Variants in PTPRE observed in about 807,000 individuals in gnomAD.
PTPRE encodes protein tyrosine phosphatase receptor type E.
A neutral mutation model predicts 102.0 loss-of-function variants in PTPRE; 51 were observed. That is an observed-to-expected ratio of 0.50 (90% CI 0.40 to 0.63). The LOEUF is 0.63. PTPRE is among the 30% of genes least tolerant of loss of function. The pLI is 0.00. For synonymous variants in PTPRE, 345 were observed against 348.2 expected, an observed-to-expected ratio of 0.99 and a Z score of 0.10; for missense variants, 752 against 915.1, an observed-to-expected ratio of 0.82 and a Z score of 2.30.
chr10:128,008,145 A>G lies in PTPRE; in HGVS notation c.-8+25849A>G, dbSNP rs924604020. On this transcript the variant is annotated intron_variant, in intron 2 of 20. Transcript: ENST00000254667. The surrounding 1 kb of genome is among the most constrained non-coding windows in gnomAD (Gnocchi z 4.0). ...CTGCAGAGTCCCCTGCCCAGGGTACATGCCCCTGGGAAAACTGCCCAAGGG... is the reference window on the plus strand; with the variant it reads ...CTGCAGAGTCCCCTGCCCAGGGTACGTGCCCCTGGGAAAACTGCCCAAGGG... 6.6e-5 allele frequency among the ~76,000 whole-genome samples: 10 copies of G among 152,160 alleles called. No individual in the cohort carries two copies. In the South Asian group the frequency reaches 1.4e-3, roughly 22 times the overall value.
At chr10:128,026,076 G>T (rs995097961) in intron 2 of PTPRE, among the ~76,000 whole-genome samples, 5 of 152,152 alleles carry the variant, frequency 3.3e-5, no homozygotes, top group Admixed American at 2.6e-4. Flanking sequence ...CCCATCCCTG[G>T]CAGGCCAAGC....
intron 9 of PTPRE, 98 bp downstream of exon 9, chr10:128,061,813 T>TTGTG: frequency 7.0e-7 from 1 of 1,424,694 alleles, no homozygotes; most frequent in Non-Finnish European, 9.4e-7. Context: ...TATACTGGAT[T>TTGTG]TGTGTGTGTG....
In PTPRE at chr10:128,008,520, G is replaced by A. The variant is rs1192451145; in HGVS notation, c.-8+26224G>A. Among the ~76,000 whole-genome samples the A allele has an allele frequency of 6.6e-6, 1 of 152,174 alleles. No individual in the cohort carries two copies. Among genetic ancestry groups the A allele is most frequent in the African/African-American group, 2.4e-5 (1 of 41,422 alleles). On this transcript the variant is annotated intron_variant, in intron 2 of 20. Transcript: ENST00000254667. The surrounding 1 kb of genome is among the most constrained non-coding windows in gnomAD (Gnocchi z 4.0). ...GATCAATATCCCCTTTATTCTAGTA[G>A]GTCAGGGGACTCTGGAGTTGGGGGT...
chr10:127,966,843 G>A (rs187750469), intron 1 of PTPRE, among the ~76,000 whole-genome samples: 200 of 152,216 alleles, frequency 1.3e-3, no homozygotes, highest in Non-Finnish European at 2.2e-3. Flanking sequence ...TCCCTCCTGC[G>A]AAGGAAGTCT....
chr10:127,914,631 C>G (rs1846086060), intron 1 of PTPRE, among the ~76,000 whole-genome samples: 1 of 152,220 alleles, frequency 6.6e-6, no homozygotes, highest in Non-Finnish European at 1.5e-5. Flanking sequence ...CTAGTGAATT[C>G]AACTAACAGG....
intron 2 of PTPRE, among the ~76,000 whole-genome samples, chr10:128,019,602 G>A (rs1468107511): frequency 1.3e-5 from 2 of 150,812 alleles, no homozygotes; most frequent in South Asian, 4.2e-4. Context: ...TTGCCATTCC[G>A]GGGCTCTCTG....
At chr10:127,990,411 C>CAAAAAAAAAAAAAAAAAA (rs60034358) in intron 2 of PTPRE, among the ~76,000 whole-genome samples, 5 of 65,720 alleles carry the variant, frequency 7.6e-5, no homozygotes, top group East Asian at 5.3e-4. Flanking sequence ...GACTCCACCT[C>CAAAAAAAAAAAAAAAAAA]AAAAAAAAAA....
At chr10:128,005,642 C>G (rs1564873924) in intron 2 of PTPRE, among the ~76,000 whole-genome samples, 1 of 152,148 alleles carries the variant, frequency 6.6e-6, no homozygotes, top group African/African-American at 2.4e-5. Context: ...TCTGGGCGTC[C>G]CCGAGCAGGT....
chr10:127,933,088 G>C (rs1393187145), intron 1 of PTPRE, among the ~76,000 whole-genome samples: 1 of 152,182 alleles, frequency 6.6e-6, no homozygotes, highest in Non-Finnish European at 1.5e-5. Flanking sequence ...TGGTAACACA[G>C]GGTGCACCCG....
chr10:127,937,006 T>C (rs1345652661), intron 1 of PTPRE, among the ~76,000 whole-genome samples: 1 of 152,210 alleles, frequency 6.6e-6, no homozygotes, highest in African/African-American at 2.4e-5. Flanking sequence ...GATCTGAGAC[T>C]CTACAACACC....
chr10:128,077,864 G>A lies in PTPRE; in HGVS notation c.1892+81G>A, dbSNP rs1398574749. ...AGTACCCGCAGCTGTGGGCAGCAGA[G>A]CCTGGTCGCTGCCCCTGGCCATGGT... On this transcript the variant is annotated intron_variant, in intron 19 of 20. Coordinates refer to ENST00000254667, the MANE Select transcript of PTPRE (RefSeq NM_006504.6). 6.1e-6 allele frequency: 9 copies of A among 1,467,752 alleles called. No homozygotes were observed. The Admixed American group carries it at 1.8e-4, about 29-fold the overall frequency. The allele number at this position is 1,467,752 out of a possible 1,614,324, so 90.9% of individuals were successfully genotyped here. A position where few individuals can be genotyped will look rare whatever the true frequency, so the allele number is the denominator to read the frequency against.
intron 7 of PTPRE, among the ~76,000 whole-genome samples, chr10:128,059,813 G>A (rs1284220923): frequency 3.9e-5 from 6 of 152,116 alleles, no homozygotes; most frequent in Non-Finnish European, 5.9e-5. Context: ...CTTTTCACTG[G>A]CGACCAACCC....
At chr10:127,993,803 C>T (rs1472772919) in intron 2 of PTPRE, among the ~76,000 whole-genome samples, 1 of 142,792 alleles carries the variant, frequency 7.0e-6, no homozygotes, top group African/African-American at 2.6e-5. Flanking sequence ...GTGTGTGTGA[C>T]CTTCTATTTA....
At chr10:127,993,786 T>TGTGTGTGC (rs1359735793) in intron 2 of PTPRE, among the ~76,000 whole-genome samples, 6 of 151,646 alleles carry the variant, frequency 4.0e-5, no homozygotes, top group Non-Finnish European at 5.9e-5. Context: ...TGTGTGTGTG[T>TGTGTGTGC]GCGTGTGTGT....
In PTPRE at chr10:127,934,358, AAG is replaced by A. The variant is rs1405896979; in HGVS notation, c.-31+27056_-31+27057del. ...TGTGTTAGAATATCTATTTGCTTTG[AAG>A]AGAGAGTCAGACTCCCTGCCTTTTG... On this transcript the variant is annotated intron_variant, in intron 1 of 20. Coordinates refer to ENST00000254667, the MANE Select transcript of PTPRE (RefSeq NM_006504.6). 3 of 152,250 alleles carry A rather than the reference AAG, an allele frequency of 2.0e-5. No individual in the cohort carries two copies. The East Asian group carries it at 5.8e-4, about 29-fold the overall frequency. The allele number at this position is 152,250 out of a possible 1,614,324, so 9.4% of individuals were successfully genotyped here. A position where few individuals can be genotyped will look rare whatever the true frequency, so the allele number is the denominator to read the frequency against.
At chr10:127,932,667 C>T (rs1369200315) in intron 1 of PTPRE, among the ~76,000 whole-genome samples, 2 of 152,206 alleles carry the variant, frequency 1.3e-5, no homozygotes, top group African/African-American at 2.4e-5. Flanking sequence ...CTCAACACTC[C>T]CTGCTCAGAT....
intron 2 of PTPRE, among the ~76,000 whole-genome samples, chr10:127,993,581 G>T (rs7915041): frequency 0.68 from 102,759 of 151,878 alleles, 34,972 homozygotes; most frequent in African/African-American, 0.75. Flanking sequence ...TGTGAATGAG[G>T]GGATGAACAG....
rs921178993 is a variant in PTPRE at position 127,944,161 on chromosome 10, G to A, written c.-31+36852G>A. Among the ~76,000 whole-genome samples the A allele has an allele frequency of 3.9e-5, 6 of 152,200 alleles. No homozygotes were observed. Among genetic ancestry groups the A allele is most frequent in the East Asian group, 1.9e-4 (1 of 5,202 alleles). Reference sequence around the variant, plus strand: ...CTGCTGCTGGAAGGACTGAAGTCCAGGGAATATTACTGCTCAGAGGGCCTG... The same window carrying A: ...CTGCTGCTGGAAGGACTGAAGTCCAAGGAATATTACTGCTCAGAGGGCCTG... On this transcript the variant is annotated intron_variant, in intron 1 of 20. Transcript: ENST00000254667. The surrounding 1 kb of genome is among the most constrained non-coding windows in gnomAD (Gnocchi z 4.2).
intron 2 of PTPRE, among the ~76,000 whole-genome samples, chr10:128,023,609 T>C (rs1336202685): frequency 1.3e-5 from 2 of 152,218 alleles, no homozygotes; most frequent in Non-Finnish European, 2.9e-5. Flanking sequence ...GGAAAAAGCA[T>C]AGTATAGTAT....
Sources: gnomAD v4.1 joint callset for allele counts (sites outside exome capture counted in the v4.1 genomes callset) on GRCh38, gnomAD v4.1.1 for gene constraint, Gnocchi (gnomAD v3.1) non-coding constraint, MANE v1.5 for transcripts, NCBI Gene and HGNC (gene_info 2026-07-23, HGNC 2026-07-21) for gene names.